The following NPTN variants were observed in gnomAD, a reference collection of about 807,000 sequenced individuals.
The protein encoded by NPTN is SDR-1.
In NPTN, 5 loss-of-function variants were observed where a neutral mutation model predicts 42.7. That is an observed-to-expected ratio of 0.12 (90% confidence interval 0.06 to 0.25). The LOEUF is 0.25. Among genes scored for constraint, NPTN ranks in the 10% least tolerant of loss-of-function variants. NPTN has a pLI of 1.00. For missense variants in NPTN, 307 were observed against 525.4 expected (o/e 0.58, Z 4.06); for synonymous variants, 180 against 201.9 (o/e 0.89, Z 0.92).
chr15:73,572,524 C>T (rs1051052514), intron 5 of NPTN, among the ~76,000 whole-genome samples: 5 of 152,080 alleles, frequency 3.3e-5, no homozygotes, highest in African/African-American at 1.2e-4. Flanking sequence ...CAAGGCTGCC[C>T]TTGGGCCTCC....
chr15:73,563,743 C>CT (rs766363603), intron 6 of NPTN, among the ~76,000 whole-genome samples: 4 of 152,236 alleles, frequency 2.6e-5, no homozygotes, highest in Non-Finnish European at 5.9e-5. Flanking sequence ...AAAGGGCACT[C>CT]TGTTTTTCTT....
intron 1 of NPTN, among the ~76,000 whole-genome samples, chr15:73,616,028 T>A (rs1047805035): frequency 2.0e-5 from 3 of 152,150 alleles, no homozygotes; most frequent in African/African-American, 2.4e-5. Context: ...AAAATTATTT[T>A]ACTGAATCCA....
chr15:73,605,623 G>A (rs148809573), intron 1 of NPTN, among the ~76,000 whole-genome samples: 3,065 of 151,414 alleles, frequency 0.02, 55 homozygotes, highest in East Asian at 0.054. Context: ...AGCTACTCGG[G>A]AGGCTGAGGC....
In NPTN at chr15:73,615,663, T is replaced by G. The variant is rs148212363; in HGVS notation, c.91+17462A>C. Among the ~76,000 whole-genome samples the G allele has an allele frequency of 5.1e-3, 777 of 152,278 alleles. 16 individuals are homozygous for G. The highest frequency in any genetic ancestry group is 0.031 in the Admixed American group (477 of 15,292). ...TCAGGCCTTTATCACTACACTTTCA[T>G]CCCCGATCTGAATTACCTATACAAA... On this transcript the variant is annotated intron_variant, in intron 1 of 8. Coordinates refer to ENST00000345330, the MANE Select transcript of NPTN (RefSeq NM_012428.4).
rs1595898525 is a variant in NPTN at position 73,570,286 on chromosome 15, A to G, written c.978T>C (p.Ser326=). 2 of 1,614,266 alleles carry G rather than the reference A, an allele frequency of 1.2e-6. No homozygotes were observed. The highest frequency in any genetic ancestry group is 2.7e-5 in the African/African-American group (2 of 75,078). The change falls in exon 6 of 9, where the codon TCT becomes TCC. Residue 326 remains serine (S), a synonymous_variant. Transcript: ENST00000345330. This position sits in a 1 kb window ranked among gnomAD's most constrained non-coding sequence, Gnocchi z 4.0. ...TCCGCACCCTGAGGACAGTGACAAC[A>G]GAGGCGGAGCCAATGGCGTTGGTGG... ...CNATNAIGSA[S]VVTVLRVRSH...
chr15:73,574,808 A>G (rs1895598486), intron 4 of NPTN, among the ~76,000 whole-genome samples: 1 of 152,218 alleles, frequency 6.6e-6, no homozygotes, highest in African/African-American at 2.4e-5. Context: ...ATTTCAAGAC[A>G]TGCTAGAGGC....
intron 1 of NPTN, among the ~76,000 whole-genome samples, chr15:73,630,366 T>C (rs1337738974): frequency 1.3e-5 from 2 of 152,274 alleles, no homozygotes; most frequent in African/African-American, 2.4e-5. Context: ...TCTAATGCTT[T>C]TGAATGTCTT....
At position 73,633,180 on chromosome 15, in the gene NPTN, G is replaced by A. The variant is rs868044042; in HGVS notation, c.36C>T (p.Leu12=). Residue 12 remains leucine, a synonymous_variant, in exon 1 of 9, where the codon CTC becomes CTT. Transcript: ENST00000345330. ...GGGAGCCAGAGACCAGCAACAGCGAGAGGGCCAGGGCGCTGGGCAGCGACG... is the reference window on the plus strand; with the variant it reads ...GGGAGCCAGAGACCAGCAACAGCGAAAGGGCCAGGGCGCTGGGCAGCGACG... The part of the protein sequence containing the change: ...SGSSLPSALA[L]SLLLVSGSLL... 5.2e-6 allele frequency: 8 copies of A among 1,523,864 alleles called. No individual in the cohort carries two copies. In the Admixed American group the frequency reaches 9.4e-5, roughly 18 times the overall value. 94.4% of individuals were successfully genotyped at this position (1,523,864 alleles called of 1,614,324 possible).
In NPTN at chr15:73,565,087, A is replaced by G. The variant is rs986829338; in HGVS notation, c.1115-1830T>C. On this transcript the variant is annotated intron_variant, in intron 6 of 8. Transcript: ENST00000345330. The stretch of plus-strand genomic sequence containing the variant: ...CCAGCCCAACAAGCTGGTAACATGC[A>G]AAGGGTTGCATGGAGGTGTTTTAGC... Among the ~76,000 whole-genome samples the G allele has an allele frequency of 2.0e-5, 3 of 152,226 alleles. No individual in the cohort carries two copies. The East Asian group carries it at 5.8e-4, about 29-fold the overall frequency.
At chr15:73,626,734 TGTGA>T (rs1017645425) in intron 1 of NPTN, among the ~76,000 whole-genome samples, 2 of 152,228 alleles carry the variant, frequency 1.3e-5, no homozygotes, top group African/African-American at 4.8e-5. Flanking sequence ...ACATTTAGTA[TGTGA>T]GTATCCATTT....
chr15:73,588,095 C>T (rs982228365), intron 3 of NPTN, among the ~76,000 whole-genome samples: 1 of 152,110 alleles, frequency 6.6e-6, no homozygotes. Context: ...CAAAAATTAG[C>T]CGGGTGTGGT....
rs1355782824 is a variant in NPTN, at chr15:73,561,021, T to C, written c.*42A>G. ...AAGCAGAAAATTTTAGCAGGTCATG[T>C]TGCCACCAGTTTCAGGAACCTAAAG... On this transcript the variant is annotated 3_prime_UTR_variant, in exon 9 of 9. Transcript: ENST00000345330. 1.3e-5 allele frequency: 2 copies of C among 152,656 alleles called. No homozygotes were observed. Among genetic ancestry groups the C allele is most frequent in the African/African-American group, 2.4e-5 (1 of 41,440 alleles). 9.5% of individuals were successfully genotyped at this position (152,656 alleles called of 1,614,324 possible). A position where few individuals can be genotyped will look rare whatever the true frequency, so the allele number is the denominator to read the frequency against.
At chr15:73,573,842 C>G in intron 4 of NPTN, 47 bp from the exon 5 acceptor site, 2 of 1,598,712 alleles carry the variant, frequency 1.3e-6, no homozygotes, top group Non-Finnish European at 1.7e-6. Flanking sequence ...CTACTCCAAA[C>G]AGGATACAAA....
At chr15:73,613,077 A>G (rs1340111648) in intron 1 of NPTN, among the ~76,000 whole-genome samples, 1 of 152,238 alleles carries the variant, frequency 6.6e-6, no homozygotes, top group Non-Finnish European at 1.5e-5. Context: ...AACCTGGAGG[A>G]TGTATTATGT....
At chr15:73,581,587 C>T (rs1049395521) in intron 4 of NPTN, among the ~76,000 whole-genome samples, 1 of 152,148 alleles carries the variant, frequency 6.6e-6, no homozygotes, top group East Asian at 1.9e-4. Context: ...AGCACCTGAA[C>T]CAATTTCATT....
At chr15:73,572,945 G>A (rs1488875103) in intron 5 of NPTN, among the ~76,000 whole-genome samples, 2 of 152,074 alleles carry the variant, frequency 1.3e-5, no homozygotes, top group Non-Finnish European at 2.9e-5. Context: ...GAATTCTCAT[G>A]AGACCCGGTT....
intron 1 of NPTN, among the ~76,000 whole-genome samples, chr15:73,601,645 T>C (rs189338778): frequency 6.6e-6 from 1 of 152,316 alleles, no homozygotes; most frequent in East Asian, 1.9e-4. Flanking sequence ...ATCCAATATT[T>C]TGGAAAAACC....
intron 1 of NPTN, among the ~76,000 whole-genome samples, chr15:73,600,347 A>G (rs774978849): frequency 5.5e-5 from 8 of 145,718 alleles, no homozygotes; most frequent in Non-Finnish European, 1.0e-4. Context: ...CATTATTGTT[A>G]TTACCATTAT....
chr15:73,632,841 C>A, intron 1 of NPTN: 1 of 346,240 alleles, frequency 2.9e-6, no homozygotes. Flanking sequence ...TCCTCCGTGT[C>A]CCCTCGCCGA....
Sources: gnomAD v4.1 joint callset for allele counts (sites outside exome capture counted in the v4.1 genomes callset) on GRCh38, gnomAD v4.1.1 for gene constraint, Gnocchi (gnomAD v3.1) non-coding constraint, MANE v1.5 for transcripts, NCBI Gene and HGNC (gene_info 2026-07-23, HGNC 2026-07-21) for gene names.